The following PANK4 variants were observed in gnomAD, a reference collection of about 807,000 sequenced individuals.
PANK4 encodes 4'-phosphopantetheine phosphatase.
PANK4 carries 40 observed loss-of-function variants against 87.9 expected under a neutral mutation model. The ratio of observed to expected loss-of-function variants is 0.46; its 90% CI spans 0.35 to 0.59. PANK4 has a LOEUF of 0.59. Among genes scored for constraint, PANK4 ranks in the 20% least tolerant of loss-of-function variants. PANK4 has a pLI of 0.00. For synonymous variants in PANK4, 524 were observed against 467.4 expected (o/e 1.12, Z -1.56); for missense variants, 926 against 1,072.3 (o/e 0.86, Z 1.90).
chr1:2,514,510 C>T (rs764394591), intron 10 of PANK4, 44 bp from the exon 11 acceptor site: 1 of 1,274,168 alleles, frequency 7.8e-7, no homozygotes, highest in Admixed American at 1.9e-5. Context: ...GCTGGCCCTG[C>T]TGCTTGCGAA....
chr1:2,513,114 C>T lies in PANK4; in HGVS notation c.1576-75G>A. On this transcript the variant is annotated intron_variant, in intron 12 of 18. Transcript: ENST00000378466. ...CACCCTGGACACCTGCCAGGCGCAG[C>T]CTGTTCCATACCACGCCCCTCAGGA... 3.4e-6 allele frequency: 5 copies of T among 1,473,836 alleles called. No individual in the cohort carries two copies. In the Admixed American group the frequency reaches 6.2e-5, roughly 18 times the overall value. The allele number at this position is 1,473,836 out of a possible 1,614,324, so 91.3% of individuals were successfully genotyped here.
intron 1 of PANK4, 69 bp downstream of exon 1, chr1:2,526,395 G>C (rs1570556048): frequency 6.1e-3 from 1,246 of 204,540 alleles, no homozygotes; most frequent in Middle Eastern, 0.01. Context: ...CGCCGCCCCC[G>C]CTCGCCGGCC....
At chr1:2,521,558 G>C in intron 2 of PANK4, 160 bp downstream of exon 2, 1 of 751,960 alleles carries the variant, frequency 1.3e-6, no homozygotes, top group Non-Finnish European at 2.4e-6. Flanking sequence ...GGGTCTTGAA[G>C]GGACACGGCG....
chr1:2,521,961 G>C (rs757395653), intron 1 of PANK4, 161 bp from the exon 2 acceptor site: 6 of 615,722 alleles, frequency 9.7e-6, no homozygotes, highest in Non-Finnish European at 1.5e-5. Flanking sequence ...CAAAAGAGAG[G>C]ACAGGAAAAC....
rs200073357 is a variant in PANK4, at chr1:2,518,497, C to T, written c.1117+19G>A. On this transcript the variant is annotated intron_variant, in intron 8 of 18. Coordinates refer to ENST00000378466, the MANE Select transcript of PANK4 (RefSeq NM_018216.4). ...GCTGAGGCCCCACGCTGCTCAGGGGCGCCAGCACCGCGACTCACTGTCCTG... is the reference window on the plus strand; with the variant it reads ...GCTGAGGCCCCACGCTGCTCAGGGGTGCCAGCACCGCGACTCACTGTCCTG... 111 of 1,547,694 alleles carry T rather than the reference C, an allele frequency of 7.2e-5. No individual in the cohort carries two copies. The highest frequency in any genetic ancestry group is 3.3e-4 in the South Asian group (28 of 84,526).
At chr1:2,511,301 G>C (rs1557436821) in intron 15 of PANK4, 37 bp downstream of exon 15, 1 of 1,519,620 alleles carries the variant, frequency 6.6e-7, no homozygotes, top group Admixed American at 1.7e-5. Context: ...GCCCCGCTGT[G>C]TCCCCAGCAG....
chr1:2,519,413 G>A lies in PANK4; in HGVS notation c.854-89C>T. On this transcript the variant is annotated intron_variant, in intron 6 of 18. Transcript: ENST00000378466. This position sits in a 1 kb window ranked among gnomAD's most constrained non-coding sequence, Gnocchi z 8.3. ...CAGGAGGGGAGGGGGAGAGAGAGCT[G>A]AGTGGGAGGGGAGGGGGAGAGAGAG... is the stretch of plus-strand genomic sequence containing the variant. 1 of 320,772 alleles carries A rather than the reference G, an allele frequency of 3.1e-6. No individual in the cohort carries two copies. The highest frequency in any genetic ancestry group is 5.4e-6 in the Non-Finnish European group (1 of 186,654). The allele number at this position is 320,772 out of a possible 1,614,324, so 19.9% of individuals were successfully genotyped here.
At chr1:2,521,362 CGGGCT>C (rs1375928788) in intron 2 of PANK4, 47 bp from the exon 3 acceptor site, 18 of 1,461,216 alleles carry the variant, frequency 1.2e-5, no homozygotes, top group Non-Finnish European at 1.7e-5. Flanking sequence ...GACACCGCGC[CGGGCT>C]GGGCTGTGCG....
chr1:2,515,755 T>C lies in PANK4; in HGVS notation c.1219-38A>G. ...CAGTGGCAGGGTGGAAACGTCACCA[T>C]GGTTCAGAACGACCCAAGCCACACT... On this transcript the variant is annotated intron_variant, in intron 9 of 18. Transcript: ENST00000378466. The surrounding 1 kb of genome is among the most constrained non-coding windows in gnomAD (Gnocchi z 5.0). 6.3e-7 allele frequency: 1 copy of C among 1,598,822 alleles called. No individual in the cohort carries two copies.
Position 2,509,602 on chromosome 1 carries a change from G to C in PANK4, c.2108+260C>G, listed in dbSNP as rs1256182964. On this transcript the variant is annotated intron_variant, in intron 18 of 18. Transcript: ENST00000378466. This position sits in a 1 kb window ranked among gnomAD's most constrained non-coding sequence, Gnocchi z 4.9. ...CCTCGGTCTCAGCTGAGTGGCCACA[G>C]GGACATTGGCCCCTCTTGCCCCAAG... 6.6e-6 allele frequency among the ~76,000 whole-genome samples: 1 copy of C among 152,180 alleles called. No individual in the cohort carries two copies. The highest frequency in any genetic ancestry group is 1.5e-5 in the Non-Finnish European group (1 of 68,032).
intron 1 of PANK4, 42 bp from the exon 2 acceptor site, chr1:2,521,842 C>A: frequency 1.3e-6 from 2 of 1,506,354 alleles, no homozygotes; most frequent in East Asian, 4.5e-5. Context: ...AGGACCAGGA[C>A]ACAGCGGGGC....
Position 2,515,288 on chromosome 1 carries a change from C to T in PANK4, c.1374+274G>A. On this transcript the variant is annotated intron_variant, in intron 10 of 18. Coordinates refer to ENST00000378466, the MANE Select transcript of PANK4 (RefSeq NM_018216.4). This position sits in a 1 kb window ranked among gnomAD's most constrained non-coding sequence, Gnocchi z 5.0. ...AAGAGCAGAGACGTCTCCTAAATTG[C>T]TTTTTGAAGGAATGTGCTAGCTAGC... The T allele has an allele frequency of 3.0e-6, 2 of 656,786 alleles. No individual in the cohort carries two copies. Among genetic ancestry groups the T allele is most frequent in the Non-Finnish European group, 5.6e-6 (2 of 356,186 alleles). 40.7% of individuals were successfully genotyped at this position (656,786 alleles called of 1,614,324 possible). A position where few individuals can be genotyped will look rare whatever the true frequency, so the allele number is the denominator to read the frequency against.
chr1:2,513,076 C>A (rs368940785), intron 12 of PANK4, 37 bp from the exon 13 acceptor site: 4 of 1,556,710 alleles, frequency 2.6e-6, no homozygotes, highest in Non-Finnish European at 2.6e-6. Flanking sequence ...TGAGTGAAGA[C>A]GTGGCCTCAG....
intron 9 of PANK4, among the ~76,000 whole-genome samples, chr1:2,517,887 A>G (rs1235430428): frequency 6.6e-6 from 1 of 152,186 alleles, no homozygotes; most frequent in Admixed American, 6.5e-5. Context: ...GAACTTTAGC[A>G]ATCTCTCTGC....
rs758231192 is a variant in PANK4, at chr1:2,510,768, T to C, written c.1848A>G (p.Lys616=). Residue 616 remains lysine (K), a synonymous_variant, in exon 16 of 19, where the codon AAA becomes AAG. Transcript: ENST00000378466. The surrounding 1 kb of genome is among the most constrained non-coding windows in gnomAD (Gnocchi z 4.9). ...TGTTATCTGCGAAAATTAAGGCACA[T>C]TTATGAGGGGGCCCCTGTAAGACAA... ...WLQRLKGPPH[K]CALIFADNSG... 30 of 1,610,176 alleles carry C rather than the reference T, an allele frequency of 1.9e-5. No homozygotes were observed. The highest frequency in any genetic ancestry group is 2.5e-5 in the Non-Finnish European group (29 of 1,177,242).
rs1643606814 is a variant in PANK4, at chr1:2,508,619, T to TAC, written c.*227_*228insGT. On this transcript the variant is annotated 3_prime_UTR_variant, in exon 19 of 19. Coordinates refer to ENST00000378466, the MANE Select transcript of PANK4 (RefSeq NM_018216.4). This position sits in a 1 kb window ranked among gnomAD's most constrained non-coding sequence, Gnocchi z 5.1. ...CTGTATAGATCTCTCTATTTATATA[T>TAC]ATATATATATAAAAGGTTCTTTAGC... 11 of 263,092 alleles carry TAC rather than the reference T, an allele frequency of 4.2e-5. No individual in the cohort carries two copies. 16.3% of individuals were successfully genotyped at this position (263,092 alleles called of 1,614,324 possible).
In PANK4 at chr1:2,514,029, C is replaced by A; in HGVS notation, c.1548G>T (p.Glu516Asp). The A allele has an allele frequency of 2.5e-6, 4 of 1,612,818 alleles. No individual in the cohort carries two copies. Among genetic ancestry groups the A allele is most frequent in the Non-Finnish European group, 2.5e-6 (3 of 1,179,862 alleles). Reference protein sequence around the residue: ...LLDTREHCLNEFNFPDPYSKV... With the variant: ...LLDTREHCLNDFNFPDPYSKV... Reference sequence around the variant, plus strand: ...TGGAGTAGGGATCCGGGAAGTTGAACTCGTTCAGACAGTGCTCCCTGGTGT... The same window carrying A: ...TGGAGTAGGGATCCGGGAAGTTGAAATCGTTCAGACAGTGCTCCCTGGTGT... The change falls in exon 12 of 19, where the codon GAG (glutamate) becomes GAT (aspartate). Residue 516 changes from glutamate (E) to aspartate (D), a missense_variant. Glu to Asp is a conservative substitution (Grantham distance 45). Coordinates refer to ENST00000378466, the MANE Select transcript of PANK4 (RefSeq NM_018216.4).
At chr1:2,521,621 G>A (rs1215280269) in intron 2 of PANK4, 97 bp downstream of exon 2, 5 of 979,476 alleles carry the variant, frequency 5.1e-6, no homozygotes, top group Non-Finnish European at 8.3e-6. Flanking sequence ...TAAAGTCGAG[G>A]TCTGCAGCAG....
rs78763061 is a variant in PANK4, at chr1:2,521,724, G to A, written c.201C>T (p.Ser67=). 5,332 of 1,613,554 alleles carry A rather than the reference G, an allele frequency of 3.3e-3. 199 individuals carry two copies. The East Asian group carries it at 0.084, about 25-fold the overall frequency. Residue 67 remains serine (S), a synonymous_variant, in exon 2 of 19, where the codon TCC becomes TCT. Transcript: ENST00000378466. Reference sequence around the variant, plus strand: ...GGCCACAGTGCAGGCTCACCTTTCCGGAGTGGTCGAAAGACCGCACCTTGG... The same window carrying A: ...GGCCACAGTGCAGGCTCACCTTTCCAGAGTGGTCGAAAGACCGCACCTTGG... ...KVAKVRSFDH[S]GKDTEREHEP...
Sources: allele counts gnomAD v4.1 joint callset (sites outside exome capture counted in the v4.1 genomes callset), GRCh38; gene constraint gnomAD v4.1.1; non-coding constraint Gnocchi (gnomAD v3.1); transcripts MANE v1.5; gene names NCBI Gene and HGNC (gene_info 2026-07-23, HGNC 2026-07-21).